PEAK1: variants seen among roughly 807,000 people sequenced by gnomAD.
PEAK1 encodes the protein pseudopodium enriched atypical kinase 1.
In PEAK1, 54 loss-of-function variants were observed where a neutral mutation model predicts 124.7. The observed-to-expected ratio is 0.43, with a 90% CI of 0.35 to 0.54. The LOEUF (loss-of-function observed/expected upper bound fraction) is 0.54. PEAK1 is among the 20% of genes least tolerant of loss of function. The pLI is 0.01. For missense variants in PEAK1, 2,046 were observed against 2,134.5 expected (o/e 0.96, Z 0.82); for synonymous variants, 719 against 760.0 (o/e 0.95, Z 0.89).
intron 8 of PEAK1, among the ~76,000 whole-genome samples, chr15:77,147,538 CTCTG>C (rs981935956): frequency 2.0e-5 from 3 of 152,158 alleles, no homozygotes; most frequent in Non-Finnish European, 2.9e-5. Flanking sequence ...AAACAGTGAT[CTCTG>C]TCTATTTTGA....
intron 1 of PEAK1, among the ~76,000 whole-genome samples, chr15:77,381,969 A>C (rs1388949582): frequency 6.6e-6 from 1 of 152,228 alleles, no homozygotes; most frequent in African/African-American, 2.4e-5. Context: ...CAGGGTTCTA[A>C]GATAACCTTC....
Position 77,131,118 on chromosome 15 carries a change from T to C in PEAK1, c.4077+1887A>G, listed in dbSNP as rs1021365061. Among the ~76,000 whole-genome samples, 6 of 152,200 alleles carry C rather than the reference T, an allele frequency of 3.9e-5. No individual in the cohort carries two copies. The South Asian group carries it at 1.2e-3, about 32-fold the overall frequency. On this transcript the variant is annotated intron_variant, in intron 9 of 9. Transcript: ENST00000682557. ...AGCTGTCTTGAAGAAGTGGGTTATC[T>C]GAAATAAGCAATCCACATGTAAGAA...
rs1406255854 is a variant in PEAK1 at position 77,354,995 on chromosome 15, C to T, written c.-603+10168G>A. 7.3e-5 allele frequency among the ~76,000 whole-genome samples: 11 copies of T among 151,410 alleles called. No homozygotes were observed. In the East Asian group the frequency reaches 1.6e-3, roughly 21 times the overall value. The stretch of plus-strand genomic sequence containing the variant: ...CGGAGCTTGCAGTGAGCCAAGATAG[C>T]GCCACTGCACTCCAGCCTGGGCGAC... On this transcript the variant is annotated intron_variant, in intron 2 of 9. Coordinates refer to ENST00000682557, the MANE Select transcript of PEAK1 (RefSeq NM_001385026.1).
intron 8 of PEAK1, among the ~76,000 whole-genome samples, chr15:77,154,649 C>T (rs1012965665): frequency 6.6e-6 from 1 of 152,174 alleles, no homozygotes; most frequent in Non-Finnish European, 1.5e-5. Context: ...ATGTTTAGTG[C>T]TTCCTTCAGG....
chr15:77,236,216 C>T (rs576083401), intron 6 of PEAK1, among the ~76,000 whole-genome samples: 2 of 152,274 alleles, frequency 1.3e-5, no homozygotes, highest in South Asian at 2.1e-4. Context: ...TTGCACTGTG[C>T]GTCTGGAAGA....
rs1329292466 is a variant in PEAK1, at chr15:77,110,087, A to G, written c.*4069T>C. The G allele has an allele frequency of 2.0e-5, 3 of 152,114 alleles. No homozygotes were observed. Among genetic ancestry groups the G allele is most frequent in the South Asian group, 2.1e-4 (1 of 4,830 alleles). 9.4% of individuals were successfully genotyped at this position (152,114 alleles called of 1,614,324 possible). Reference sequence around the variant, plus strand: ...AAATTGAGACGCTTAGTAGGACCCAAAGATCTTTCCTGGAAACTTTTTTTT... The same window carrying G: ...AAATTGAGACGCTTAGTAGGACCCAGAGATCTTTCCTGGAAACTTTTTTTT... On this transcript the variant is annotated 3_prime_UTR_variant, in exon 10 of 10. Coordinates refer to ENST00000682557, the MANE Select transcript of PEAK1 (RefSeq NM_001385026.1).
rs1026785098 is a variant in PEAK1, at chr15:77,333,446, T to C, written c.-603+31717A>G. On this transcript the variant is annotated intron_variant, in intron 2 of 9. Transcript: ENST00000682557. Reference sequence around the variant, plus strand: ...TCTTCTTTTTGCTTGTATATTTCTTTTCTCTAACAACTATATAAGCTTATC... The same window carrying C: ...TCTTCTTTTTGCTTGTATATTTCTTCTCTCTAACAACTATATAAGCTTATC... 102 of 950,558 alleles carry C rather than the reference T, an allele frequency of 1.1e-4. No individual in the cohort carries two copies. The African/African-American group carries it at 1.7e-3, about 16-fold the overall frequency. The allele number at this position is 950,558 out of a possible 1,614,324, so 58.9% of individuals were successfully genotyped here.
chr15:77,300,281 T>C (rs1016615926), intron 2 of PEAK1, among the ~76,000 whole-genome samples: 2 of 152,254 alleles, frequency 1.3e-5, no homozygotes, highest in African/African-American at 4.8e-5. Flanking sequence ...AATGGTCTCA[T>C]CTGCCTTGAA....
At chr15:77,398,288 CAA>C (rs1192224871) in intron 1 of PEAK1, among the ~76,000 whole-genome samples, 1 of 152,038 alleles carries the variant, frequency 6.6e-6, no homozygotes, top group Non-Finnish European at 1.5e-5. Flanking sequence ...CAAAACCACA[CAA>C]AGACACATTT....
chr15:77,257,168 A>C (rs1371885829), intron 5 of PEAK1, among the ~76,000 whole-genome samples: 3 of 152,122 alleles, frequency 2.0e-5, no homozygotes, highest in Non-Finnish European at 4.4e-5. Flanking sequence ...ACTATTGTGA[A>C]CAGTGCCACA....
intron 6 of PEAK1, among the ~76,000 whole-genome samples, chr15:77,228,153 A>G (rs1345647438): frequency 6.6e-6 from 1 of 151,912 alleles, no homozygotes; most frequent in Non-Finnish European, 1.5e-5. Flanking sequence ...TTTAGGGTAC[A>G]TGTGCACAAC....
At chr15:77,387,306 T>C (rs2070036635) in intron 1 of PEAK1, among the ~76,000 whole-genome samples, 4 of 152,230 alleles carry the variant, frequency 2.6e-5, no homozygotes, top group Admixed American at 2.6e-4. Context: ...AAAGACTGGC[T>C]GTTCACTGCC....
chr15:77,214,398 T>C (rs112332839), intron 6 of PEAK1, among the ~76,000 whole-genome samples: 3,262 of 150,962 alleles, frequency 0.022, 130 homozygotes, highest in African/African-American at 0.075. Context: ...GGGCAGATCA[T>C]GAGGTCAGGA....
chr15:77,154,821 T>C (rs2054976690), intron 8 of PEAK1, among the ~76,000 whole-genome samples: 1 of 152,052 alleles, frequency 6.6e-6, no homozygotes, highest in Non-Finnish European at 1.5e-5. Flanking sequence ...GCCCCCACTC[T>C]CTTCTGGCTT....
At chr15:77,185,451 A>C (rs2057495091) in intron 6 of PEAK1, among the ~76,000 whole-genome samples, 1 of 152,228 alleles carries the variant, frequency 6.6e-6, no homozygotes, top group Non-Finnish European at 1.5e-5. Flanking sequence ...GTGTGATGAC[A>C]CAGAAGCCAG....
chr15:77,252,173 T>A (rs1394491757), intron 6 of PEAK1, among the ~76,000 whole-genome samples, 194 bp downstream of exon 6: 1 of 152,224 alleles, frequency 6.6e-6, no homozygotes, highest in South Asian at 2.1e-4. Flanking sequence ...CTAAATTAAG[T>A]TTATAACTAG....
intron 2 of PEAK1, chr15:77,355,951 A>T: frequency 1.0e-6 from 1 of 984,336 alleles, no homozygotes; most frequent in Non-Finnish European, 1.2e-6. Context: ...TAGGCCTGAG[A>T]CAAGAGGCAG....
chr15:77,264,008 C>T (rs551408626), intron 5 of PEAK1, among the ~76,000 whole-genome samples: 116 of 152,002 alleles, frequency 7.6e-4, no homozygotes, highest in African/African-American at 2.7e-3. Context: ...ACAAAAACCA[C>T]GATTATCTCA....
At chr15:77,142,490 A>G (rs1265947389) in intron 8 of PEAK1, among the ~76,000 whole-genome samples, 1 of 152,252 alleles carries the variant, frequency 6.6e-6, no homozygotes, top group African/African-American at 2.4e-5. Context: ...AAACATGTCC[A>G]CCAAAACTTT....
Sources: gnomAD v4.1 joint callset for allele counts (sites outside exome capture counted in the v4.1 genomes callset) on GRCh38, gnomAD v4.1.1 for gene constraint, MANE v1.5 for transcripts, NCBI Gene and HGNC (gene_info 2026-07-23, HGNC 2026-07-21) for gene names.